ST7: variants seen among roughly 807,000 people sequenced by gnomAD.
ST7 encodes suppressor of tumorigenicity 7 protein.
In ST7, 28 loss-of-function variants were observed where a neutral mutation model predicts 78.7. That is an observed-to-expected ratio of 0.36 (90% confidence interval 0.26 to 0.49). The LOEUF (loss-of-function observed/expected upper bound fraction) is 0.49, where lower values mean the gene tolerates loss of function less well. Among genes scored for constraint, ST7 ranks in the 20% least tolerant of loss-of-function variants. The pLI is 0.99. For synonymous variants in ST7, 247 were observed against 249.6 expected (o/e 0.99, Z 0.10); for missense variants, 418 against 696.0 (o/e 0.60, Z 4.49).
At chr7:117,007,704 G>A (rs1343287860) in intron 1 of ST7, among the ~76,000 whole-genome samples, 1 of 152,164 alleles carries the variant, frequency 6.6e-6, no homozygotes, top group Non-Finnish European at 1.5e-5. Context: ...TCACAGGACA[G>A]GCTGACTGTC....
At chr7:117,102,735 C>T (rs1310933520) in intron 2 of ST7, among the ~76,000 whole-genome samples, 3 of 151,800 alleles carry the variant, frequency 2.0e-5, no homozygotes, top group Non-Finnish European at 4.4e-5. Context: ...AAGGGGAGAT[C>T]AGTTTCAGTG....
chr7:116,977,205 G>A (rs1306607321), intron 1 of ST7, among the ~76,000 whole-genome samples: 1 of 152,132 alleles, frequency 6.6e-6, no homozygotes, highest in Non-Finnish European at 1.5e-5. Flanking sequence ...TGATGCATTC[G>A]TAATTTTCTT....
intron 9 of ST7, among the ~76,000 whole-genome samples, chr7:117,153,082 G>C (rs982226516): frequency 6.6e-6 from 1 of 152,192 alleles, no homozygotes; most frequent in Non-Finnish European, 1.5e-5. Flanking sequence ...GACTAGGTAA[G>C]TTTTTGCTTG....
intron 1 of ST7, among the ~76,000 whole-genome samples, chr7:116,991,435 T>C (rs1794423150): frequency 6.6e-6 from 1 of 152,076 alleles, no homozygotes; most frequent in African/African-American, 2.4e-5. Context: ...AAAAGGCACT[T>C]CTTACATGGT....
At chr7:116,967,968 A>G (rs1053695465) in intron 1 of ST7, among the ~76,000 whole-genome samples, 11 of 152,144 alleles carry the variant, frequency 7.2e-5, no homozygotes, top group Admixed American at 5.2e-4. Context: ...GTGAAATATG[A>G]TAGCAGCATG....
At chr7:116,992,294 A>G (rs1335410583) in intron 1 of ST7, among the ~76,000 whole-genome samples, 3 of 152,218 alleles carry the variant, frequency 2.0e-5, no homozygotes, top group Admixed American at 1.3e-4. Flanking sequence ...TGAGAGCCCT[A>G]TACCTGCAGT....
At chr7:117,224,597 T>C (rs928198441) in intron 15 of ST7, among the ~76,000 whole-genome samples, 1 of 152,360 alleles carries the variant, frequency 6.6e-6, no homozygotes, top group East Asian at 1.9e-4. Context: ...AAATATGTCA[T>C]TAGTCCAGTA....
chr7:117,211,892 G>A (rs760941161), intron 13 of ST7, among the ~76,000 whole-genome samples: 5 of 152,138 alleles, frequency 3.3e-5, no homozygotes, highest in Non-Finnish European at 7.3e-5. Context: ...AATTAAATTG[G>A]CAGAATGCTT....
At chr7:117,068,082 T>C (rs1277690274) in intron 1 of ST7, among the ~76,000 whole-genome samples, 2 of 152,232 alleles carry the variant, frequency 1.3e-5, no homozygotes. Context: ...AATTTAGGCC[T>C]CTGGAAACCT....
intron 9 of ST7, among the ~76,000 whole-genome samples, chr7:117,169,978 A>T (rs1807867866): frequency 1.3e-5 from 2 of 151,678 alleles, no homozygotes; most frequent in African/African-American, 4.8e-5. Flanking sequence ...CCTCTTTACT[A>T]CCACCCCCAT....
At chr7:117,095,743 T>C (rs1328146134) in intron 1 of ST7, among the ~76,000 whole-genome samples, 1 of 152,084 alleles carries the variant, frequency 6.6e-6, no homozygotes, top group Non-Finnish European at 1.5e-5. Flanking sequence ...CCCTAACAAG[T>C]ATGGAGGTGA....
intron 1 of ST7, among the ~76,000 whole-genome samples, chr7:116,984,246 G>A (rs994144680): frequency 2.0e-5 from 3 of 152,104 alleles, no homozygotes; most frequent in African/African-American, 7.2e-5. Context: ...GATCTGGCCT[G>A]TCAATCTGAG....
intron 4 of ST7, 88 bp from the exon 5 acceptor site, chr7:117,130,403 T>A: frequency 1.1e-6 from 1 of 892,634 alleles, no homozygotes; most frequent in Non-Finnish European, 1.7e-6. Context: ...GTTAATGGTC[T>A]ATATTTCAAC....
chr7:117,146,153 CA>C (rs1198251918), intron 9 of ST7: 1 of 152,174 alleles, frequency 6.6e-6, no homozygotes, highest in Non-Finnish European at 1.5e-5. Context: ...TATAAAATTA[CA>C]AAAGTAATTT....
chr7:117,095,550 T>G (rs1274122995), intron 1 of ST7, among the ~76,000 whole-genome samples: 1 of 152,218 alleles, frequency 6.6e-6, no homozygotes, highest in Non-Finnish European at 1.5e-5. Flanking sequence ...ACATGATGCA[T>G]TCCCTGAGGC....
rs534601295 is a variant in ST7 at position 117,005,124 on chromosome 7, C to A, written c.151+51433C>A. Among the ~76,000 whole-genome samples, 72 of 152,212 alleles carry A rather than the reference C, an allele frequency of 4.7e-4. 1 individual carries two copies. Among genetic ancestry groups the A allele is most frequent in the African/African-American group, 1.5e-3 (64 of 41,520 alleles). On this transcript the variant is annotated intron_variant, in intron 1 of 15. Transcript: ENST00000323984. ...TTTTTAAAGAAAGATATACACATTC[C>A]TAGAATCTTTTACATTCCCAGTGAA...
chr7:116,968,163 A>G (rs1281536028), intron 1 of ST7, among the ~76,000 whole-genome samples: 2 of 152,028 alleles, frequency 1.3e-5, no homozygotes, highest in Non-Finnish European at 2.9e-5. Context: ...GATTCGTTGC[A>G]CTATAAAAAA....
At chr7:117,115,643 C>T (rs528186363) in intron 2 of ST7, among the ~76,000 whole-genome samples, 40 of 152,220 alleles carry the variant, frequency 2.6e-4, no homozygotes, top group South Asian at 2.1e-3. Context: ...CATGAGCCAC[C>T]GCGCCCAGCC....
intron 9 of ST7, among the ~76,000 whole-genome samples, chr7:117,162,944 C>A (rs1052027718): frequency 2.0e-5 from 3 of 152,108 alleles, no homozygotes; most frequent in African/African-American, 7.2e-5. Flanking sequence ...TCCTTCCCAG[C>A]TTCTAGTATC....
Sources: allele counts gnomAD v4.1 joint callset (sites outside exome capture counted in the v4.1 genomes callset), GRCh38; gene constraint gnomAD v4.1.1; transcripts MANE v1.5; gene names NCBI Gene and HGNC (gene_info 2026-07-23, HGNC 2026-07-21).